Variants in NUP50 observed in about 807,000 individuals in gnomAD.
NUP50 encodes nucleoporin 50.
NUP50 carries 14 observed loss-of-function variants against 36.8 expected under a neutral mutation model. The observed-to-expected ratio is 0.38, with a 90% CI of 0.25 to 0.59. The LOEUF (loss-of-function observed/expected upper bound fraction) is 0.59, where lower values mean the gene tolerates loss of function less well. NUP50 is among the 20% of genes least tolerant of loss of function. NUP50 has a pLI of 0.63. For missense variants in NUP50, 455 were observed against 564.6 expected (o/e 0.81, Z 1.97); for synonymous variants, 195 against 210.8 (o/e 0.93, Z 0.65).
chr22:45,170,924 TATG>T (rs1569045266), intron 2 of NUP50: 1 of 1,246,108 alleles, frequency 8.0e-7, no homozygotes, highest in Non-Finnish European at 1.1e-6. Flanking sequence ...TTAAGTTTAA[TATG>T]ATCTGAAACA....
intron 2 of NUP50, chr22:45,171,055 G>C: frequency 2.3e-6 from 3 of 1,303,562 alleles, no homozygotes; most frequent in Non-Finnish European, 3.0e-6. Context: ...CATCAGAAGT[G>C]TGGACATGAG....
chr22:45,166,684 A>C (rs910493833), intron 1 of NUP50, among the ~76,000 whole-genome samples: 1 of 138,032 alleles, frequency 7.2e-6, no homozygotes, highest in Non-Finnish European at 1.6e-5. Flanking sequence ...AAATTGCCAA[A>C]AAGAATCCGT....
intron 3 of NUP50, chr22:45,172,160 TGAAA>T: frequency 6.4e-6 from 1 of 156,284 alleles, no homozygotes. Context: ...ACTCCTAAAT[TGAAA>T]TAATGTGCTG....
At position 45,186,679 on chromosome 22, in the gene NUP50, G is replaced by C. The variant is rs1209891027; in HGVS notation, c.*2024G>C. ...ATTTTTAAATTAGTAGGTATGTGTG[G>C]CTTCCTTTTTTCCTAACATTCCCAG... is the stretch of plus-strand genomic sequence containing the variant. On this transcript the variant is annotated 3_prime_UTR_variant, in exon 8 of 8. Coordinates refer to ENST00000347635, the MANE Select transcript of NUP50 (RefSeq NM_007172.4). 1 of 152,618 alleles carries C rather than the reference G, an allele frequency of 6.6e-6. No homozygotes were observed. Among genetic ancestry groups the C allele is most frequent in the African/African-American group, 2.4e-5 (1 of 41,452 alleles). 9.5% of individuals were successfully genotyped at this position (152,618 alleles called of 1,614,324 possible).
At chr22:45,172,707 C>T (rs1281086997) in intron 3 of NUP50, among the ~76,000 whole-genome samples, 1 of 151,996 alleles carries the variant, frequency 6.6e-6, no homozygotes, top group Non-Finnish European at 1.5e-5. Context: ...AAGTTTTGAT[C>T]ATAAAATGTA....
At chr22:45,175,479 G>GT (rs1006585266) in intron 3 of NUP50, among the ~76,000 whole-genome samples, 1 of 152,114 alleles carries the variant, frequency 6.6e-6, no homozygotes, top group African/African-American at 2.4e-5. Flanking sequence ...CTACCTTGAT[G>GT]TTTTTATCAT....
In NUP50 at chr22:45,178,270, G is replaced by A. The variant is rs1184345720; in HGVS notation, c.373G>A (p.Val125Ile). ...SLAANGPTTL[V>I]DKVSNPKTNG... is the part of the protein sequence containing the mutation. Reference sequence around the variant, plus strand: ...TGCTGCAAATGGCCCTACCACCTTGGTTGATAAAGTTTCAAATCCCAAAAC... The same window carrying A: ...TGCTGCAAATGGCCCTACCACCTTGATTGATAAAGTTTCAAATCCCAAAAC... The change falls in exon 5 of 8, where the codon GTT (valine) becomes ATT (isoleucine). Residue 125 changes from valine to isoleucine, a missense_variant. Val to Ile is a conservative substitution (Grantham distance 29). Coordinates refer to ENST00000347635, the MANE Select transcript of NUP50 (RefSeq NM_007172.4). The A allele has an allele frequency of 6.2e-7, 1 of 1,613,898 alleles. No individual in the cohort carries two copies. The highest frequency in any genetic ancestry group is 1.3e-5 in the African/African-American group (1 of 75,016).
chr22:45,182,377 G>T (rs2074386690), intron 6 of NUP50, among the ~76,000 whole-genome samples: 1 of 152,130 alleles, frequency 6.6e-6, no homozygotes. Context: ...GAGAAGCAGA[G>T]GTTGCAGTGA....
intron 3 of NUP50, 120 bp from the exon 4 acceptor site, chr22:45,175,774 T>TA: frequency 1.2e-6 from 1 of 821,586 alleles, no homozygotes; most frequent in Non-Finnish European, 1.9e-6. Context: ...CAGTTTGCCT[T>TA]ATAACGCTGA....
intron 6 of NUP50, among the ~76,000 whole-genome samples, 199 bp from the exon 7 acceptor site, chr22:45,183,203 A>T (rs1383066318): frequency 1.3e-5 from 2 of 151,680 alleles, no homozygotes; most frequent in East Asian, 3.9e-4. Context: ...AATGGGGAGG[A>T]GTTTTAAAAT....
At chr22:45,180,852 A>AG (rs1216606758) in intron 5 of NUP50, among the ~76,000 whole-genome samples, 1 of 152,014 alleles carries the variant, frequency 6.6e-6, no homozygotes, top group Non-Finnish European at 1.5e-5. Flanking sequence ...TAAAAAAAAA[A>AG]AAAGTATTTT....
chr22:45,170,276 T>G (rs1207502648), intron 2 of NUP50, among the ~76,000 whole-genome samples: 3 of 151,980 alleles, frequency 2.0e-5, no homozygotes, highest in Non-Finnish European at 2.9e-5. Context: ...CCAGCTGTTT[T>G]CTCTTTATCT....
At chr22:45,178,165 A>G in intron 4 of NUP50, 73 bp from the exon 5 acceptor site, 1 of 1,367,620 alleles carries the variant, frequency 7.3e-7, no homozygotes, top group Non-Finnish European at 1.0e-6. Flanking sequence ...GTATGAAGGC[A>G]GAGTGGCAAA....
intron 5 of NUP50, 98 bp from the exon 6 acceptor site, chr22:45,181,188 G>T (rs2074365424): frequency 4.0e-6 from 2 of 501,546 alleles, no homozygotes; most frequent in Non-Finnish European, 6.8e-6. Flanking sequence ...TACATGGAGT[G>T]CTCCGGTGGA....
chr22:45,176,004 G>C lies in NUP50; in HGVS notation c.264G>C (p.Leu88=). 1 of 1,614,178 alleles carries C rather than the reference G, an allele frequency of 6.2e-7. No individual in the cohort carries two copies. The highest frequency in any genetic ancestry group is 8.5e-7 in the Non-Finnish European group (1 of 1,180,034). The change falls in exon 4 of 8, where the codon CTG becomes CTC. Residue 88 remains leucine (L), a synonymous_variant. Transcript: ENST00000347635. The part of the protein sequence containing the change: ...SGAGGKPLEG[L]SNGNNITSAP... ...CTGGAGGGAAGCCTTTGGAAGGACT[G>C]TCGAATGGAAACAACATAACCAGTG...
chr22:45,171,007 A>T (rs1469412991), intron 2 of NUP50: 12 of 1,304,026 alleles, frequency 9.2e-6, no homozygotes, highest in Non-Finnish European at 1.1e-5. Context: ...AGGGCTATAA[A>T]CTAAAGCCGA....
chr22:45,186,186 A>G lies in NUP50; in HGVS notation c.*1531A>G, dbSNP rs2074468305. 1 of 152,164 alleles carries G rather than the reference A, an allele frequency of 6.6e-6. No individual in the cohort carries two copies. The highest frequency in any genetic ancestry group is 2.4e-5 in the African/African-American group (1 of 41,420). 9.4% of individuals were successfully genotyped at this position (152,164 alleles called of 1,614,324 possible). ...TGATTCCACTGGGAGAATTTGGCCT[A>G]GTGTGTGGCTTTGGATGAATCCGTG... is the stretch of plus-strand genomic sequence containing the variant. On this transcript the variant is annotated 3_prime_UTR_variant, in exon 8 of 8. Coordinates refer to ENST00000347635, the MANE Select transcript of NUP50 (RefSeq NM_007172.4).
chr22:45,171,199 T>G (rs1009466881), intron 2 of NUP50: 55 of 1,128,810 alleles, frequency 4.9e-5, no homozygotes, highest in South Asian at 1.9e-5. Context: ...ATAACAAAAT[T>G]TATTTATTTA....
chr22:45,169,383 A>G (rs1276548908), intron 2 of NUP50, among the ~76,000 whole-genome samples: 3 of 152,176 alleles, frequency 2.0e-5, no homozygotes, highest in African/African-American at 7.2e-5. Context: ...AACAAAGAAT[A>G]AAACACAGCT....
Sources: gnomAD v4.1 joint callset for allele counts (sites outside exome capture counted in the v4.1 genomes callset) on GRCh38, gnomAD v4.1.1 for gene constraint, MANE v1.5 for transcripts, NCBI Gene and HGNC (gene_info 2026-07-23, HGNC 2026-07-21) for gene names.